The following TOP2B variants were observed in gnomAD, a reference collection of about 807,000 sequenced individuals.
The protein encoded by TOP2B is DNA topoisomerase II beta.
Under a neutral mutation model 193.5 loss-of-function variants are expected in TOP2B, and 51 were observed. The ratio of observed to expected loss-of-function variants is 0.26; its 90% CI spans 0.21 to 0.33. The LOEUF (loss-of-function observed/expected upper bound fraction) is 0.33, where lower values mean the gene tolerates loss of function less well. TOP2B is among the 10% of genes least tolerant of loss of function. The pLI, the probability that TOP2B is intolerant of heterozygous loss-of-function variation, is 1.00. For synonymous variants in TOP2B, 634 were observed against 635.7 expected (o/e 1.00, Z 0.04); for missense variants, 1,378 against 1,909.3 (o/e 0.72, Z 5.19).
chr3:25,628,969 A>C lies in TOP2B; in HGVS notation c.1801-17T>G. ...TTTGCTTGCCTTAAATTAATTAAAA[A>C]ACAAAATTAGTTTTTCTGCTACCCT... On this transcript the variant is annotated splice_polypyrimidine_tract_variant and intron_variant, in intron 14 of 35. Coordinates refer to ENST00000264331, the MANE Select transcript of TOP2B (RefSeq NM_001330700.2). The C allele has an allele frequency of 6.3e-7, 1 of 1,588,042 alleles. No homozygotes were observed. The highest frequency in any genetic ancestry group is 1.2e-5 in the South Asian group (1 of 85,702).
chr3:25,657,866 CCCGG>C (rs113695517), intron 1 of TOP2B, among the ~76,000 whole-genome samples: 25,404 of 148,964 alleles, frequency 0.17, 3,005 homozygotes, highest in African/African-American at 0.36. Flanking sequence ...TCGAGACCAT[CCCGG>C]CTAAAACGGT....
chr3:25,600,665 A>G (rs1278582819), intron 34 of TOP2B, among the ~76,000 whole-genome samples: 1 of 152,214 alleles, frequency 6.6e-6, no homozygotes, highest in East Asian at 1.9e-4. Context: ...AGGGGATGCC[A>G]TGGAGAACTG....
Position 25,620,021 on chromosome 3 carries a change from T to G in TOP2B, c.2904A>C (p.Thr968=). ...EQVLEPMLNG[T]DKTPALISDY... Reference sequence around the variant, plus strand: ...CAGAAATTAATGCTGGTGTTTTATCTGTTCCATTTAGCATAGGTTCTAAAA... The same window carrying G: ...CAGAAATTAATGCTGGTGTTTTATCGGTTCCATTTAGCATAGGTTCTAAAA... The change falls in exon 23 of 36, where the codon ACA becomes ACC. Residue 968 remains threonine (T), a synonymous_variant. Transcript: ENST00000264331. 2 of 1,578,178 alleles carry G rather than the reference T, an allele frequency of 1.3e-6. No individual in the cohort carries two copies. The highest frequency in any genetic ancestry group is 1.7e-6 in the Non-Finnish European group (2 of 1,156,754).
At chr3:25,658,187 C>T (rs1432709457) in intron 1 of TOP2B, among the ~76,000 whole-genome samples, 1 of 151,728 alleles carries the variant, frequency 6.6e-6, no homozygotes, top group African/African-American at 2.4e-5. Flanking sequence ...CGAGACAGCG[C>T]CACTGCACCC....
At chr3:25,618,296 T>C (rs774852786) in intron 25 of TOP2B, 122 bp downstream of exon 25, 241 of 673,638 alleles carry the variant, frequency 3.6e-4, no homozygotes, top group Non-Finnish European at 5.4e-4. Flanking sequence ...GACTTTAGTC[T>C]CTAAATAGAC....
intron 21 of TOP2B, 79 bp from the exon 22 acceptor site, chr3:25,620,895 T>TA: frequency 1.4e-6 from 2 of 1,435,988 alleles, no homozygotes; most frequent in Non-Finnish European, 1.9e-6. Flanking sequence ...CATTGACAGA[T>TA]TAACACAACT....
At chr3:25,637,385 C>T (rs943148646) in intron 5 of TOP2B, 73 bp from the exon 6 acceptor site, 31 of 1,094,860 alleles carry the variant, frequency 2.8e-5, no homozygotes, top group Admixed American at 2.1e-4. Context: ...TACCACCATA[C>T]GGCAAGGCTG....
intron 1 of TOP2B, among the ~76,000 whole-genome samples, chr3:25,663,993 A>T (rs916749935): frequency 6.6e-6 from 1 of 152,050 alleles, no homozygotes; most frequent in African/African-American, 2.4e-5. Context: ...TGTCCCCCCA[A>T]AGTTTCAAGT....
Position 25,630,859 on chromosome 3 carries a change from T to C in TOP2B, c.1347A>G (p.Ser449=), listed in dbSNP as rs756905712. 1 of 1,604,832 alleles carries C rather than the reference T, an allele frequency of 6.2e-7. No individual in the cohort carries two copies. ...CTTTGATTTTACTGTATTTTACTGA[T>C]GAACACTTCTTATTCAGCTGAGTCT... ...KAQTQLNKKC[S]SVKYSKIKGI... Residue 449 remains serine, a synonymous_variant, in exon 11 of 36, where the codon TCA becomes TCG. Coordinates refer to ENST00000264331, the MANE Select transcript of TOP2B (RefSeq NM_001330700.2).
At position 25,598,217 on chromosome 3, in the gene TOP2B, A is replaced by AAAT; in HGVS notation, c.*87_*89dup. 1 of 1,362,070 alleles carries AAAT rather than the reference A, an allele frequency of 7.3e-7. No individual in the cohort carries two copies. The highest frequency in any genetic ancestry group is 1.0e-6 in the Non-Finnish European group (1 of 1,002,176). 84.4% of individuals were successfully genotyped at this position (1,362,070 alleles called of 1,614,324 possible). A position where few individuals can be genotyped will look rare whatever the true frequency, so the allele number is the denominator to read the frequency against. ...AACCGTCAATTACATCATCACATTAAAATAAGCCAGATGTACAAAAGTCTG... is the reference window on the plus strand; with the variant it reads ...AACCGTCAATTACATCATCACATTAAAATAATAAGCCAGATGTACAAAAGTCTG... On this transcript the variant is annotated 3_prime_UTR_variant, in exon 36 of 36. Transcript: ENST00000264331.
chr3:25,627,306 T>G lies in TOP2B; in HGVS notation c.1907-10A>C. On this transcript the variant is annotated splice_polypyrimidine_tract_variant and intron_variant, in intron 15 of 35. Transcript: ENST00000264331. ...GTACTAGTACCCAATCCTGCACAAT[T>G]TTAAAAATAAAAGTGAGTCATGAAT... The G allele has an allele frequency of 6.5e-7, 1 of 1,533,770 alleles. No individual in the cohort carries two copies. Among genetic ancestry groups the G allele is most frequent in the Middle Eastern group, 1.7e-4 (1 of 5,758 alleles).
At position 25,664,730 on chromosome 3, in the gene TOP2B, C is replaced by A; in HGVS notation, c.-433G>T. 2 of 987,356 alleles carry A rather than the reference C, an allele frequency of 2.0e-6. No individual in the cohort carries two copies. The highest frequency in any genetic ancestry group is 3.1e-4 in the Middle Eastern group (1 of 3,210). The allele number at this position is 987,356 out of a possible 1,614,324, so 61.2% of individuals were successfully genotyped here. ...TTGTCCTTCTCACACTCCGCGAAGGCCAGCCACTCGAGTCGCCAGAGTAGT... is the reference window on the plus strand; with the variant it reads ...TTGTCCTTCTCACACTCCGCGAAGGACAGCCACTCGAGTCGCCAGAGTAGT... On this transcript the variant is annotated 5_prime_UTR_variant, in exon 1 of 36. Coordinates refer to ENST00000264331, the MANE Select transcript of TOP2B (RefSeq NM_001330700.2).
At chr3:25,619,305 T>TTA (rs1279330001) in intron 23 of TOP2B, among the ~76,000 whole-genome samples, 2,018 of 152,222 alleles carry the variant, frequency 0.013, 47 homozygotes, top group African/African-American at 0.044. Context: ...TCACCCAAAC[T>TTA]CCTCTCTATC....
chr3:25,655,138 T>C (rs951486816), intron 1 of TOP2B, among the ~76,000 whole-genome samples: 3 of 152,076 alleles, frequency 2.0e-5, no homozygotes, highest in African/African-American at 2.4e-5. Context: ...GGAGAAAATA[T>C]CTGTAAACCA....
Position 25,634,615 on chromosome 3 carries a change from C to T in TOP2B, c.853-601G>A, listed in dbSNP as rs528630188. On this transcript the variant is annotated intron_variant, in intron 7 of 35. Coordinates refer to ENST00000264331, the MANE Select transcript of TOP2B (RefSeq NM_001330700.2). ...CTTCTAGGGACTATAGTCATAAGTT[C>T]ATTCATTCATACTCTTGCAGGTTTT... Among the ~76,000 whole-genome samples the T allele has an allele frequency of 2.0e-5, 3 of 151,950 alleles. No homozygotes were observed. The East Asian group carries it at 5.8e-4, about 30-fold the overall frequency.
chr3:25,664,448 C>A lies in TOP2B; in HGVS notation c.-151G>T. On this transcript the variant is annotated 5_prime_UTR_variant, in exon 1 of 36. Transcript: ENST00000264331. ...CGCGCCCCATCGCGAAGATCCGGAG[C>A]GGACGTCCAGCCGAGCCCGCTGAGG... 8.0e-7 allele frequency: 1 copy of A among 1,248,260 alleles called. No homozygotes were observed. Among genetic ancestry groups the A allele is most frequent in the Non-Finnish European group, 1.0e-6 (1 of 999,136 alleles). The allele number at this position is 1,248,260 out of a possible 1,614,324, so 77.3% of individuals were successfully genotyped here. A position where few individuals can be genotyped will look rare whatever the true frequency, so the allele number is the denominator to read the frequency against.
intron 1 of TOP2B, among the ~76,000 whole-genome samples, chr3:25,655,853 G>A (rs1363019017): frequency 2.6e-5 from 4 of 152,154 alleles, no homozygotes; most frequent in African/African-American, 9.7e-5. Flanking sequence ...ACAGAAAGTA[G>A]AAAGGTGGTT....
intron 2 of TOP2B, 89 bp from the exon 3 acceptor site, chr3:25,643,873 A>G (rs1703334221): frequency 1.1e-6 from 1 of 887,950 alleles, no homozygotes; most frequent in African/African-American, 1.7e-5. Flanking sequence ...CATTTACACT[A>G]TATGAATACT....
intron 1 of TOP2B, among the ~76,000 whole-genome samples, chr3:25,657,030 G>C (rs11129202): frequency 0.13 from 19,196 of 152,174 alleles, 1,339 homozygotes; most frequent in African/African-American, 0.19. Flanking sequence ...GGCAGCCTTG[G>C]CAGAGTAGAA....
Sources: allele counts gnomAD v4.1 joint callset (sites outside exome capture counted in the v4.1 genomes callset), GRCh38; gene constraint gnomAD v4.1.1; transcripts MANE v1.5; gene names NCBI Gene and HGNC (gene_info 2026-07-23, HGNC 2026-07-21).